XRN1: variants seen among roughly 807,000 people sequenced by gnomAD.
The protein encoded by XRN1 is 5'-3' exoribonuclease 1, also known as strand-exchange protein 1 homolog.
Under a neutral mutation model 222.3 loss-of-function variants are expected in XRN1, and 67 were observed. The observed-to-expected ratio is 0.30, with a 90% CI of 0.25 to 0.37. The LOEUF is 0.37. XRN1 is among the 10% of genes least tolerant of loss of function. The pLI is 1.00. For synonymous variants in XRN1, 643 were observed against 652.4 expected (o/e 0.99, Z 0.22); for missense variants, 1,707 against 2,000.2 (o/e 0.85, Z 2.80).
chr3:142,328,576 T>TTTA (rs1342709084), intron 37 of XRN1, among the ~76,000 whole-genome samples: 1 of 150,790 alleles, frequency 6.6e-6, no homozygotes, highest in East Asian at 1.9e-4. Flanking sequence ...CTTGAGAATG[T>TTTA]TCCATTTGTT....
rs185013327 is a variant in XRN1 at position 142,306,819 on chromosome 3, A to C, written c.*4692T>G. On this transcript the variant is annotated 3_prime_UTR_variant, in exon 41 of 41. Coordinates refer to ENST00000392981, the MANE Select transcript of XRN1 (RefSeq NM_001282857.2). ...GTTTAAAACACTTTAATTGGCAGACAATGTAAAGATATTTAAAATCAAAAA... is the reference window on the plus strand; with the variant it reads ...GTTTAAAACACTTTAATTGGCAGACCATGTAAAGATATTTAAAATCAAAAA... 6.5e-6 allele frequency: 1 copy of C among 152,790 alleles called. No homozygotes were observed. Among genetic ancestry groups the C allele is most frequent in the Admixed American group, 6.5e-5 (1 of 15,304 alleles). 9.5% of individuals were successfully genotyped at this position (152,790 alleles called of 1,614,324 possible). A position where few individuals can be genotyped will look rare whatever the true frequency, so the allele number is the denominator to read the frequency against.
intron 1 of XRN1, among the ~76,000 whole-genome samples, chr3:142,446,622 TTAGAGA>T (rs904786725): frequency 2.0e-5 from 3 of 152,190 alleles, no homozygotes; most frequent in Admixed American, 6.5e-5. Flanking sequence ...TTTTTGCACT[TTAGAGA>T]TAAAGTGACT....
At chr3:142,318,946 G>C in intron 37 of XRN1, 43 bp from the exon 38 acceptor site, 1 of 1,537,782 alleles carries the variant, frequency 6.5e-7, no homozygotes, top group African/African-American at 1.4e-5. Context: ...TCTCTGTCTA[G>C]GAAGTTGACC....
rs747308745 is a variant in XRN1 at position 142,423,673 on chromosome 3, T to C, written c.628-31A>G. 9.9e-6 allele frequency: 15 copies of C among 1,519,786 alleles called. 1 individual carries two copies. The highest frequency in any genetic ancestry group is 1.8e-4 in the Middle Eastern group (1 of 5,704). 94.1% of individuals were successfully genotyped at this position (1,519,786 alleles called of 1,614,324 possible). A position where few individuals can be genotyped will look rare whatever the true frequency, so the allele number is the denominator to read the frequency against. ...GAAAAATGATTAAGAAATGTTTTTA[T>C]TCTCCCATTTTTAATAATATTAGGT... On this transcript the variant is annotated intron_variant, in intron 5 of 40. Coordinates refer to ENST00000392981, the MANE Select transcript of XRN1 (RefSeq NM_001282857.2).
chr3:142,319,604 T>C (rs2065295644), intron 37 of XRN1, among the ~76,000 whole-genome samples: 1 of 152,140 alleles, frequency 6.6e-6, no homozygotes, highest in African/African-American at 2.4e-5. Context: ...TGGACTTTAG[T>C]GTACCCATTG....
At chr3:142,428,259 G>A (rs1273904854) in intron 2 of XRN1, among the ~76,000 whole-genome samples, 1 of 151,988 alleles carries the variant, frequency 6.6e-6, no homozygotes, top group Non-Finnish European at 1.5e-5. Flanking sequence ...AGCCGGGTGT[G>A]GTGGTGCGGC....
chr3:142,338,338 C>G (rs1340694923), intron 33 of XRN1, among the ~76,000 whole-genome samples: 2 of 152,202 alleles, frequency 1.3e-5, no homozygotes, highest in Non-Finnish European at 2.9e-5. Flanking sequence ...TGGATGACAT[C>G]TCTAGACACG....
At position 142,442,264 on chromosome 3, in the gene XRN1, A is replaced by C. The variant is rs2070253927; in HGVS notation, c.75+5606T>G. On this transcript the variant is annotated intron_variant, in intron 1 of 40. Coordinates refer to ENST00000392981, the MANE Select transcript of XRN1 (RefSeq NM_001282857.2). ...GGAAATTATTATTGGCTGTACAGAAACCTAAAGAGGTGGCAGTCTTACACT... is the reference window on the plus strand; with the variant it reads ...GGAAATTATTATTGGCTGTACAGAACCCTAAAGAGGTGGCAGTCTTACACT... Among the ~76,000 whole-genome samples the C allele has an allele frequency of 1.3e-5, 2 of 152,176 alleles. 1 individual carries two copies. The highest frequency in any genetic ancestry group is 4.1e-4 in the South Asian group (2 of 4,834).
In XRN1 at chr3:142,421,048, C is replaced by G. The variant is rs769808686; in HGVS notation, c.1141G>C (p.Ala381Pro). Residue 381 changes from alanine to proline, a missense_variant, in exon 10 of 41, where the codon GCC (alanine) becomes CCC (proline). Physicochemically the swap from Ala to Pro is conservative, Grantham distance 27 (BLOSUM62 -1). Coordinates refer to ENST00000392981, the MANE Select transcript of XRN1 (RefSeq NM_001282857.2). The stretch of plus-strand genomic sequence containing the variant: ...TTTTTCTTTTCCTTGTAGTTCCTGG[C>G]TTCTTCTGCTGCGACACCTGCTGCT... ...NEAAGVAAEEARNYKEKKKLK... is the reference protein window; with the variant it reads ...NEAAGVAAEEPRNYKEKKKLK... 6.2e-7 allele frequency: 1 copy of G among 1,614,030 alleles called. No homozygotes were observed.
At chr3:142,425,021 T>C (rs930134383) in intron 5 of XRN1, among the ~76,000 whole-genome samples, 6 of 152,208 alleles carry the variant, frequency 3.9e-5, no homozygotes, top group African/African-American at 1.4e-4. Context: ...AGACTAATTA[T>C]AGAGATCTGT....
chr3:142,429,381 C>T (rs897733017), intron 2 of XRN1, among the ~76,000 whole-genome samples: 2 of 152,020 alleles, frequency 1.3e-5, no homozygotes, highest in African/African-American at 4.8e-5. Context: ...AACTCCTGAC[C>T]TTGTGATCCA....
intron 27 of XRN1, among the ~76,000 whole-genome samples, chr3:142,367,326 T>C (rs1159823350): frequency 1.3e-5 from 2 of 151,736 alleles, no homozygotes; most frequent in South Asian, 2.1e-4. Flanking sequence ...GAATCTCAAG[T>C]CACACCCCAG....
At chr3:142,422,489 G>T in intron 8 of XRN1, 93 bp downstream of exon 8, 1 of 1,293,946 alleles carries the variant, frequency 7.7e-7, no homozygotes, top group Non-Finnish European at 1.1e-6. Context: ...CTGCTTTAGC[G>T]TGCATGCAAT....
chr3:142,438,321 T>G (rs893178970), intron 1 of XRN1, among the ~76,000 whole-genome samples: 1 of 148,288 alleles, frequency 6.7e-6, no homozygotes, highest in Admixed American at 6.8e-5. Flanking sequence ...AAAGGCAATT[T>G]TGGGCACGCT....
At chr3:142,432,946 A>G in intron 1 of XRN1, 53 bp from the exon 2 acceptor site, 3 of 1,356,654 alleles carry the variant, frequency 2.2e-6, no homozygotes, top group Non-Finnish European at 3.1e-6. Context: ...AACTACAGAT[A>G]TCTTAAGCAG....
intron 20 of XRN1, among the ~76,000 whole-genome samples, chr3:142,392,325 C>CTT (rs58724846): frequency 9.8e-5 from 14 of 143,284 alleles, no homozygotes; most frequent in Non-Finnish European, 1.8e-4. Flanking sequence ...CCAGCAATTT[C>CTT]TTTTTTTTTT....
intron 15 of XRN1, among the ~76,000 whole-genome samples, chr3:142,411,407 C>T (rs964568534): frequency 1.3e-5 from 2 of 151,992 alleles, no homozygotes; most frequent in Non-Finnish European, 2.9e-5. Context: ...TTTCTATCTT[C>T]TTAAGTTAGA....
chr3:142,427,375 A>T (rs2069303630), intron 2 of XRN1, among the ~76,000 whole-genome samples: 1 of 152,194 alleles, frequency 6.6e-6, no homozygotes, highest in Non-Finnish European at 1.5e-5. Context: ...TTAGGAATAC[A>T]GAAGTAGAAC....
In XRN1 at chr3:142,443,144, C is replaced by A. The variant is rs147178645; in HGVS notation, c.75+4726G>T. ...CCCAGATGCAGTCCATGACTAAGAT[C>A]TACCGCGGACCCCTGGACCGGCCTG... On this transcript the variant is annotated intron_variant, in intron 1 of 40. Coordinates refer to ENST00000392981, the MANE Select transcript of XRN1 (RefSeq NM_001282857.2). Among the ~76,000 whole-genome samples the A allele has an allele frequency of 3.4e-3, 511 of 152,294 alleles. 1 individual carries two copies. The highest frequency in any genetic ancestry group is 5.6e-3 in the Non-Finnish European group (379 of 68,032).
Sources: allele counts gnomAD v4.1 joint callset (sites outside exome capture counted in the v4.1 genomes callset), GRCh38; gene constraint gnomAD v4.1.1; transcripts MANE v1.5; gene names NCBI Gene and HGNC (gene_info 2026-07-23, HGNC 2026-07-21).